Variants in DIP2C observed in about 807,000 individuals in gnomAD.
DIP2C encodes disco-interacting protein 2 homolog C.
In DIP2C, 33 loss-of-function variants were observed where a neutral mutation model predicts 192.4. That is an observed-to-expected ratio of 0.17 (90% confidence interval 0.13 to 0.23). The LOEUF is 0.23. DIP2C is among the 10% of genes least tolerant of loss of function. The pLI, the probability that DIP2C is intolerant of heterozygous loss-of-function variation, is 1.00. For synonymous variants in DIP2C, 979 were observed against 864.1 expected (o/e 1.13, Z -2.33); for missense variants, 1,537 against 2,110.1 (o/e 0.73, Z 5.32).
At chr10:591,178 A>AGTGGC (rs1191616001) in intron 1 of DIP2C, among the ~76,000 whole-genome samples, 6 of 152,090 alleles carry the variant, frequency 3.9e-5, no homozygotes, top group African/African-American at 1.4e-4. Flanking sequence ...GGTGGAGTGG[A>AGTGGC]GTGGCGTGAT....
chr10:484,967 AAACT>A, intron 2 of DIP2C: 1 of 1,594,314 alleles, frequency 6.3e-7, no homozygotes, highest in Non-Finnish European at 8.5e-7. Context: ...AGTTGAAAAA[AAACT>A]AATTAATTCA....
At chr10:549,145 T>TCC (rs938775377) in intron 1 of DIP2C, among the ~76,000 whole-genome samples, 5 of 151,966 alleles carry the variant, frequency 3.3e-5, no homozygotes, top group African/African-American at 4.8e-5. Context: ...GCTTTAAGAG[T>TCC]CCCCAAAATG....
chr10:568,765 C>CAAAAAAAAAAAAAAAAAAA (rs1206501677), intron 1 of DIP2C, among the ~76,000 whole-genome samples: 4 of 37,882 alleles, frequency 1.1e-4, no homozygotes, highest in African/African-American at 1.0e-4. Flanking sequence ...AACTCCGTCT[C>CAAAAAAAAAAAAAAAAAAA]AAAAAAAAAA....
chr10:364,306 C>T (rs1369431719), intron 20 of DIP2C, 68 bp downstream of exon 20: 2 of 1,532,256 alleles, frequency 1.3e-6, no homozygotes, highest in African/African-American at 1.4e-5. Flanking sequence ...AACTTTCAAC[C>T]CTTCAAAACC....
intron 1 of DIP2C, among the ~76,000 whole-genome samples, chr10:672,991 T>C (rs1303991617): frequency 6.6e-6 from 1 of 152,344 alleles, no homozygotes; most frequent in South Asian, 2.1e-4. Flanking sequence ...AGATTTTAAA[T>C]GTAAAGTTCT....
chr10:286,496 C>T (rs562560928), intron 33 of DIP2C, 149 bp from the exon 34 acceptor site: 15 of 668,454 alleles, frequency 2.2e-5, no homozygotes, highest in South Asian at 2.2e-4. Context: ...ATAGTTATGA[C>T]CCATTATACA....
At chr10:519,589 G>A (rs1348192679) in intron 1 of DIP2C, among the ~76,000 whole-genome samples, 4 of 152,230 alleles carry the variant, frequency 2.6e-5, no homozygotes, top group Non-Finnish European at 5.9e-5. Context: ...TGGGAAGAGG[G>A]CCGTTTCAGA....
At chr10:290,417 G>A (rs1358494091) in intron 32 of DIP2C, among the ~76,000 whole-genome samples, 1 of 152,254 alleles carries the variant, frequency 6.6e-6, no homozygotes, top group Non-Finnish European at 1.5e-5. Flanking sequence ...CCTAGAATTT[G>A]CGGTGCAACA....
At chr10:509,174 CTG>C (rs1328188094) in intron 1 of DIP2C, among the ~76,000 whole-genome samples, 14 of 152,142 alleles carry the variant, frequency 9.2e-5, no homozygotes, top group African/African-American at 2.7e-4. Flanking sequence ...TTTAGACTGA[CTG>C]TAATTCCCTG....
At chr10:335,737 A>C (rs978391622) in intron 29 of DIP2C, among the ~76,000 whole-genome samples, 1 of 152,168 alleles carries the variant, frequency 6.6e-6, no homozygotes, top group African/African-American at 2.4e-5. Flanking sequence ...GTTTGCCTGG[A>C]CCAGCTGGTT....
chr10:587,796 C>T (rs547300283), intron 1 of DIP2C, among the ~76,000 whole-genome samples: 72 of 119,680 alleles, frequency 6.0e-4, no homozygotes, highest in Non-Finnish European at 1.0e-3. Flanking sequence ...CAGGCGCTGC[C>T]TCAGCCCTCA....
chr10:619,545 T>TCCCACCCTCCCACCCACCCA (rs1554757205), intron 1 of DIP2C, among the ~76,000 whole-genome samples: 1 of 15,810 alleles, frequency 6.3e-5, no homozygotes, highest in Admixed American at 4.3e-4. Context: ...CCGCCCGCCC[T>TCCCACCCTCCCACCCACCCA]CCCACCCAGC....
intron 1 of DIP2C, among the ~76,000 whole-genome samples, chr10:658,868 C>G (rs921175968): frequency 2.6e-5 from 4 of 152,156 alleles, no homozygotes; most frequent in Non-Finnish European, 5.9e-5. Flanking sequence ...GAGAGGACAG[C>G]GGAGGATCCC....
At chr10:440,733 T>TG in intron 4 of DIP2C, 138 bp downstream of exon 4, 1 of 1,273,356 alleles carries the variant, frequency 7.9e-7, no homozygotes, top group Middle Eastern at 1.9e-4. Flanking sequence ...CATACAACAC[T>TG]GTTTTTGGAC....
At chr10:523,484 G>A (rs2445591) in intron 1 of DIP2C, among the ~76,000 whole-genome samples, 62,398 of 70,424 alleles carry the variant, frequency 0.89, 27,581 homozygotes, top group Non-Finnish European at 0.91. Context: ...CCTGGAGTGA[G>A]GATGCAGGGA....
At chr10:552,573 G>A (rs1050044292) in intron 1 of DIP2C, among the ~76,000 whole-genome samples, 4 of 152,192 alleles carry the variant, frequency 2.6e-5, no homozygotes, top group African/African-American at 7.2e-5. Flanking sequence ...ACACCTGGCC[G>A]GGTGCAGTGG....
chr10:346,355 CACCCA>C (rs1958452877), intron 26 of DIP2C, among the ~76,000 whole-genome samples: 2 of 45,252 alleles, frequency 4.4e-5, no homozygotes, highest in East Asian at 7.1e-4. Context: ...ACCCCACACT[CACCCA>C]ACCCAGACAT....
At chr10:373,633 TAAGCCCAGGGCATAA>T (rs1336832338) in intron 17 of DIP2C, among the ~76,000 whole-genome samples, 1 of 152,100 alleles carries the variant, frequency 6.6e-6, no homozygotes, top group Non-Finnish European at 1.5e-5. Context: ...CACCATAAAC[TAAGCCCAGGGCATAA>T]AATCCCTCGT....
intron 9 of DIP2C, among the ~76,000 whole-genome samples, chr10:402,645 T>TGGTA (rs1964531613): frequency 5.5e-5 from 1 of 18,326 alleles, no homozygotes; most frequent in African/African-American, 5.8e-5. Context: ...TTTACATGAG[T>TGGTA]GGTAGCATTA....
Sources: allele counts gnomAD v4.1 joint callset (sites outside exome capture counted in the v4.1 genomes callset), GRCh38; gene constraint gnomAD v4.1.1; transcripts MANE v1.5; gene names NCBI Gene and HGNC (gene_info 2026-07-23, HGNC 2026-07-21).